The following ADGRL3 variants were observed in gnomAD, a reference collection of about 807,000 sequenced individuals.
ADGRL3 encodes adhesion G protein-coupled receptor L3.
ADGRL3 carries 62 observed loss-of-function variants against 153.5 expected under a neutral mutation model. That is an observed-to-expected ratio of 0.40 (90% CI 0.33 to 0.50). The LOEUF is 0.50. Among genes scored for constraint, ADGRL3 ranks in the 20% least tolerant of loss-of-function variants. The pLI is 0.47. For synonymous variants in ADGRL3, 710 were observed against 672.5 expected (o/e 1.06, Z -0.86); for missense variants, 1,641 against 1,859.4 (o/e 0.88, Z 2.16).
rs1466506898 is a variant in ADGRL3, at chr4:61,234,609, G to A, written c.-240+32844G>A. Among the ~76,000 whole-genome samples the A allele has an allele frequency of 5.3e-5, 8 of 152,128 alleles. No homozygotes were observed. In the East Asian group the frequency reaches 7.7e-4, roughly 15 times the overall value. ...TATTAGAGGATAGAAATCAGAAGAC[G>A]GAAATCAGAAGATATAGTCAGTGAG... On this transcript the variant is annotated intron_variant, in intron 1 of 26. Transcript: ENST00000683033.
intron 5 of ADGRL3, among the ~76,000 whole-genome samples, chr4:61,640,492 A>G (rs1329339932): frequency 2.0e-5 from 3 of 152,144 alleles, no homozygotes; most frequent in Non-Finnish European, 4.4e-5. Flanking sequence ...TTTTCCCACT[A>G]TATGATCTTG....
chr4:61,691,184 G>A (rs1416493323), intron 6 of ADGRL3, among the ~76,000 whole-genome samples: 1 of 152,174 alleles, frequency 6.6e-6, no homozygotes, highest in Non-Finnish European at 1.5e-5. Flanking sequence ...CACAATTTGA[G>A]AATTTATGAC....
chr4:61,529,803 T>A (rs773897710), intron 4 of ADGRL3, among the ~76,000 whole-genome samples: 11 of 152,090 alleles, frequency 7.2e-5, no homozygotes, highest in Non-Finnish European at 1.2e-4. Flanking sequence ...TGTGCAAAAT[T>A]AAAGTTTTAA....
chr4:61,270,456 T>G (rs966195372), intron 1 of ADGRL3, among the ~76,000 whole-genome samples: 1 of 151,770 alleles, frequency 6.6e-6, no homozygotes, highest in Non-Finnish European at 1.5e-5. Context: ...CAGTTAACAC[T>G]CTTAATATGA....
chr4:61,985,017 T>C (rs2099080504), intron 19 of ADGRL3, among the ~76,000 whole-genome samples: 1 of 152,138 alleles, frequency 6.6e-6, no homozygotes, highest in East Asian at 1.9e-4. Flanking sequence ...CCTTATAGTA[T>C]ATATGGGCCA....
At chr4:61,601,187 T>C (rs959975242) in intron 5 of ADGRL3, among the ~76,000 whole-genome samples, 2 of 152,204 alleles carry the variant, frequency 1.3e-5, no homozygotes, top group African/African-American at 4.8e-5. Flanking sequence ...AAGTTTTCAA[T>C]TTATGTGTTA....
At chr4:61,792,268 G>A (rs187267162) in intron 8 of ADGRL3, among the ~76,000 whole-genome samples, 8 of 152,050 alleles carry the variant, frequency 5.3e-5, no homozygotes, top group East Asian at 1.9e-4. Context: ...CAAGTTCAAC[G>A]TTTCACACAT....
intron 9 of ADGRL3, among the ~76,000 whole-genome samples, chr4:61,855,080 C>G (rs59386765): frequency 0.18 from 27,116 of 150,744 alleles, 3,165 homozygotes; most frequent in African/African-American, 0.34. Flanking sequence ...TTCTGGGACA[C>G]AAAAAAAAGA....
intron 2 of ADGRL3, among the ~76,000 whole-genome samples, chr4:61,386,792 T>A (rs1220174646): frequency 6.6e-6 from 1 of 152,202 alleles, no homozygotes; most frequent in Non-Finnish European, 1.5e-5. Flanking sequence ...TTATATAATA[T>A]GAGAAATTCA....
chr4:61,712,220 C>T (rs546363341), intron 6 of ADGRL3, among the ~76,000 whole-genome samples: 1 of 151,798 alleles, frequency 6.6e-6, no homozygotes, highest in East Asian at 2.0e-4. Context: ...ATATTGAGAC[C>T]CTGTCTCTAC....
At chr4:61,879,291 T>C (rs2098495249) in intron 9 of ADGRL3, among the ~76,000 whole-genome samples, 1 of 152,238 alleles carries the variant, frequency 6.6e-6, no homozygotes, top group Non-Finnish European at 1.5e-5. Context: ...TTGACCCATT[T>C]ATTACTACAG....
chr4:62,076,587 A>G lies in ADGRL3; in HGVS notation c.*5679A>G, dbSNP rs2151954058. On this transcript the variant is annotated 3_prime_UTR_variant, in exon 27 of 27. Coordinates refer to ENST00000683033, the MANE Select transcript of ADGRL3 (RefSeq NM_001387552.1). The stretch of plus-strand genomic sequence containing the variant: ...TGTAGTGATAAAAATCTTATACACT[A>G]CACCAAATGTTACAGATGTATTCCG... 2 of 152,180 alleles carry G rather than the reference A, an allele frequency of 1.3e-5. No homozygotes were observed. The highest frequency in any genetic ancestry group is 4.1e-4 in the South Asian group (2 of 4,830). 9.4% of individuals were successfully genotyped at this position (152,180 alleles called of 1,614,324 possible). A position where few individuals can be genotyped will look rare whatever the true frequency, so the allele number is the denominator to read the frequency against.
chr4:61,449,193 T>TG (rs1315390631), intron 2 of ADGRL3, among the ~76,000 whole-genome samples: 1 of 152,086 alleles, frequency 6.6e-6, no homozygotes, highest in Non-Finnish European at 1.5e-5. Context: ...TGGAGTGGAA[T>TG]GGGGTGATCC....
At chr4:61,223,708 T>G (rs1416133713) in intron 1 of ADGRL3, among the ~76,000 whole-genome samples, 4 of 152,240 alleles carry the variant, frequency 2.6e-5, no homozygotes. Context: ...CATTTTGGGT[T>G]ACCTTGTCAT....
At chr4:61,756,409 G>A (rs1248490846) in intron 8 of ADGRL3, among the ~76,000 whole-genome samples, 1 of 152,110 alleles carries the variant, frequency 6.6e-6, no homozygotes, top group Non-Finnish European at 1.5e-5. Context: ...CTCACGATTT[G>A]GCTCTCTGTT....
intron 9 of ADGRL3, among the ~76,000 whole-genome samples, chr4:61,857,077 TTTC>T (rs945645879): frequency 9.3e-5 from 14 of 150,908 alleles, no homozygotes; most frequent in Admixed American, 8.6e-4. Flanking sequence ...TCTTTCTTTC[TTTC>T]TTTTTTTCTT....
At chr4:61,869,960 A>AAAAAAAC (rs1554051477) in intron 9 of ADGRL3, among the ~76,000 whole-genome samples, 1 of 101,866 alleles carries the variant, frequency 9.8e-6, no homozygotes, top group Non-Finnish European at 2.0e-5. Flanking sequence ...AAAAAAAAAA[A>AAAAAAAC]AGAGAGAGAG....
chr4:61,991,552 G>T (rs555308097), intron 19 of ADGRL3, among the ~76,000 whole-genome samples: 9 of 151,978 alleles, frequency 5.9e-5, no homozygotes, highest in Non-Finnish European at 1.2e-4. Context: ...ATTAGAAGTA[G>T]TGTTTAATTC....
chr4:61,989,014 G>A (rs943883574), intron 19 of ADGRL3, among the ~76,000 whole-genome samples: 27 of 152,164 alleles, frequency 1.8e-4, no homozygotes, highest in African/African-American at 6.5e-4. Flanking sequence ...ACTAGCTTAA[G>A]AGTATCTTTC....
Sources: gnomAD v4.1 joint callset for allele counts (sites outside exome capture counted in the v4.1 genomes callset) on GRCh38, gnomAD v4.1.1 for gene constraint, MANE v1.5 for transcripts, NCBI Gene and HGNC (gene_info 2026-07-23, HGNC 2026-07-21) for gene names.